The following CLSTN2 variants were observed in gnomAD, a reference collection of about 807,000 sequenced individuals.
CLSTN2 encodes calsyntenin-2.
CLSTN2 carries 48 observed loss-of-function variants against 101.2 expected under a neutral mutation model. That is an observed-to-expected ratio of 0.47 (90% CI 0.38 to 0.60). CLSTN2 has a LOEUF of 0.60. CLSTN2 is among the 20% of genes least tolerant of loss of function. CLSTN2 has a pLI of 0.00. For synonymous variants in CLSTN2, 481 were observed against 463.6 expected, an observed-to-expected ratio of 1.04 and a Z score of -0.48; for missense variants, 1,160 against 1,238.2, an observed-to-expected ratio of 0.94 and a Z score of 0.95.
At chr3:140,145,135 C>T (rs1025652449) in intron 1 of CLSTN2, among the ~76,000 whole-genome samples, 4 of 152,350 alleles carry the variant, frequency 2.6e-5, no homozygotes, top group African/African-American at 9.6e-5. Context: ...CCTTTTAGCA[C>T]AACACCTGAC....
At chr3:140,444,343 T>C (rs12632252) in intron 5 of CLSTN2, among the ~76,000 whole-genome samples, 24,117 of 151,874 alleles carry the variant, frequency 0.16, 2,252 homozygotes, top group African/African-American at 0.26. Flanking sequence ...GGCAGGAGAA[T>C]TTCTTGAACC....
intron 1 of CLSTN2, among the ~76,000 whole-genome samples, chr3:140,083,295 C>G (rs1305727610): frequency 1.3e-5 from 2 of 152,184 alleles, no homozygotes; most frequent in Non-Finnish European, 2.9e-5. Flanking sequence ...ATGTTGCTAT[C>G]TGATTAATCT....
intron 2 of CLSTN2, among the ~76,000 whole-genome samples, chr3:140,201,551 C>T (rs1389162944): frequency 6.6e-6 from 1 of 152,112 alleles, no homozygotes; most frequent in Non-Finnish European, 1.5e-5. Context: ...AGTGTCATAC[C>T]TTAGCCACTG....
chr3:140,478,274 C>G (rs1934030387), intron 8 of CLSTN2, among the ~76,000 whole-genome samples: 6 of 150,810 alleles, frequency 4.0e-5, no homozygotes, highest in Admixed American at 4.0e-4. Context: ...AACAGTGGTC[C>G]CTATGTCTAC....
intron 1 of CLSTN2, among the ~76,000 whole-genome samples, chr3:140,006,247 G>T (rs1316449387): frequency 6.6e-6 from 1 of 152,150 alleles, no homozygotes; most frequent in Non-Finnish European, 1.5e-5. Context: ...GCATGTGCAA[G>T]ATACTTTGTT....
At chr3:140,326,754 A>G (rs1559839656) in intron 2 of CLSTN2, among the ~76,000 whole-genome samples, 1 of 152,190 alleles carries the variant, frequency 6.6e-6, no homozygotes, top group Non-Finnish European at 1.5e-5. Flanking sequence ...TCGGACTGTA[A>G]TCTACAGCTT....
At chr3:140,124,431 G>T (rs1237067270) in intron 1 of CLSTN2, among the ~76,000 whole-genome samples, 1 of 152,182 alleles carries the variant, frequency 6.6e-6, no homozygotes, top group Non-Finnish European at 1.5e-5. Context: ...ATAGGCAAGG[G>T]ATGATGCCAG....
At chr3:140,183,014 G>A (rs1413072102) in intron 2 of CLSTN2, among the ~76,000 whole-genome samples, 8 of 152,140 alleles carry the variant, frequency 5.3e-5, no homozygotes, top group Non-Finnish European at 1.5e-5. Context: ...GCTTCAGTGA[G>A]CCAAGAAGAG....
At chr3:140,485,326 C>T (rs529672446) in intron 8 of CLSTN2, among the ~76,000 whole-genome samples, 1 of 152,300 alleles carries the variant, frequency 6.6e-6, no homozygotes, top group East Asian at 1.9e-4. Flanking sequence ...AGTTTTGTCT[C>T]AGAGGGGTAC....
chr3:139,993,583 A>T (rs1936152230), intron 1 of CLSTN2, among the ~76,000 whole-genome samples: 1 of 152,168 alleles, frequency 6.6e-6, no homozygotes, highest in Non-Finnish European at 1.5e-5. Flanking sequence ...CTCAAACAGT[A>T]TATCTCACCC....
chr3:140,309,373 G>A (rs1311420436), intron 2 of CLSTN2, among the ~76,000 whole-genome samples: 2 of 152,164 alleles, frequency 1.3e-5, no homozygotes, highest in East Asian at 1.9e-4. Flanking sequence ...ATCCTCCCCA[G>A]GAGATGGTCC....
rs908925719 is a variant in CLSTN2 at position 140,191,481 on chromosome 3, A to G, written c.232+15408A>G. Among the ~76,000 whole-genome samples the G allele has an allele frequency of 2.2e-4, 34 of 152,052 alleles. 1 individual carries two copies. Among genetic ancestry groups the G allele is most frequent in the Admixed American group, 2.2e-3 (33 of 15,282 alleles). ...AAGAGATTATGTAGAATTGGTATTA[A>G]TTTTTCATTAAATGTTTGTTAAAAT... On this transcript the variant is annotated intron_variant, in intron 2 of 16. Transcript: ENST00000458420.
intron 1 of CLSTN2, among the ~76,000 whole-genome samples, chr3:140,069,642 G>A (rs546404180): frequency 6.0e-4 from 92 of 152,310 alleles, no homozygotes; most frequent in African/African-American, 1.8e-3. Context: ...CCCTTTTACT[G>A]TGAGAAAGCT....
intron 2 of CLSTN2, among the ~76,000 whole-genome samples, chr3:140,205,322 T>C (rs183866092): frequency 2.0e-5 from 3 of 152,324 alleles, no homozygotes; most frequent in Non-Finnish European, 2.9e-5. Flanking sequence ...GAGACATAGA[T>C]GCCACAGAGG....
At chr3:140,457,203 C>T (rs997313576) in intron 6 of CLSTN2, among the ~76,000 whole-genome samples, 11 of 152,168 alleles carry the variant, frequency 7.2e-5, no homozygotes, top group Admixed American at 1.3e-4. Context: ...ATCTCTGCAC[C>T]GGGCCCTGCT....
chr3:140,009,911 C>T (rs1228968423), intron 1 of CLSTN2, among the ~76,000 whole-genome samples: 1 of 152,170 alleles, frequency 6.6e-6, no homozygotes, highest in East Asian at 1.9e-4. Context: ...ACGCTGTTGC[C>T]CTTGTCCAGA....
chr3:140,352,354 A>G (rs2087617706), intron 2 of CLSTN2, among the ~76,000 whole-genome samples: 1 of 152,196 alleles, frequency 6.6e-6, no homozygotes, highest in Non-Finnish European at 1.5e-5. Flanking sequence ...TCTTCCCATT[A>G]CAATACAGTC....
At chr3:140,166,896 T>C (rs963266819) in intron 1 of CLSTN2, among the ~76,000 whole-genome samples, 2 of 152,204 alleles carry the variant, frequency 1.3e-5, no homozygotes, top group African/African-American at 2.4e-5. Context: ...TATTATCTTG[T>C]CAAGAACTGA....
At chr3:139,971,568 G>T (rs1935704479) in intron 1 of CLSTN2, among the ~76,000 whole-genome samples, 1 of 152,168 alleles carries the variant, frequency 6.6e-6, no homozygotes, top group Non-Finnish European at 1.5e-5. Flanking sequence ...TGAAGAAAGG[G>T]GAGCGGTTCC....
Sources: allele counts gnomAD v4.1 joint callset (sites outside exome capture counted in the v4.1 genomes callset), GRCh38; gene constraint gnomAD v4.1.1; transcripts MANE v1.5; gene names NCBI Gene and HGNC (gene_info 2026-07-23, HGNC 2026-07-21).